Variants in SLC43A2 observed in about 807,000 individuals in gnomAD.
The protein encoded by SLC43A2 is solute carrier family 43 member 2.
A neutral mutation model predicts 63.2 loss-of-function variants in SLC43A2; 38 were observed. The ratio of observed to expected loss-of-function variants is 0.60; its 90% CI spans 0.46 to 0.79. The LOEUF (loss-of-function observed/expected upper bound fraction) is 0.79. Among genes scored for constraint, SLC43A2 ranks in the 30% least tolerant of loss-of-function variants. The probability of loss-of-function intolerance (pLI) is 0.00; values close to 1 mark genes in which losing one functional copy is unlikely to be tolerated. For missense variants in SLC43A2, 644 were observed against 756.2 expected (o/e 0.85, Z 1.74); for synonymous variants, 322 against 331.0 (o/e 0.97, Z 0.30).
chr17:1,615,828 G>C (rs1056477454), intron 3 of SLC43A2, among the ~76,000 whole-genome samples: 19 of 133,532 alleles, frequency 1.4e-4, no homozygotes, highest in Non-Finnish European at 2.6e-4. Flanking sequence ...GGGCGACAGA[G>C]GGAGACTCCA....
chr17:1,628,082 T>A, intron 1 of SLC43A2, 162 bp from the exon 2 acceptor site: 1 of 660,760 alleles, frequency 1.5e-6, no homozygotes, highest in Non-Finnish European at 2.1e-6. Context: ...TGCCCGGACC[T>A]GGGACACCCC....
intron 6 of SLC43A2, among the ~76,000 whole-genome samples, chr17:1,591,924 A>T (rs1904850130): frequency 6.6e-6 from 1 of 152,122 alleles, no homozygotes; most frequent in Admixed American, 6.5e-5. Flanking sequence ...GCGTGTGATT[A>T]GCCCCCCGAC....
chr17:1,622,897 G>C (rs1908302502), intron 2 of SLC43A2, among the ~76,000 whole-genome samples: 1 of 151,894 alleles, frequency 6.6e-6, no homozygotes, highest in Non-Finnish European at 1.5e-5. Context: ...CTGGGCGACA[G>C]AGTGAAACTC....
intron 5 of SLC43A2, among the ~76,000 whole-genome samples, chr17:1,609,102 T>C (rs974634102): frequency 2.6e-5 from 4 of 152,230 alleles, no homozygotes; most frequent in African/African-American, 9.6e-5. Context: ...CATGTCGTTT[T>C]TCATAGGATC....
intron 5 of SLC43A2, among the ~76,000 whole-genome samples, chr17:1,599,301 C>G (rs1219833869): frequency 6.6e-6 from 1 of 151,924 alleles, no homozygotes; most frequent in African/African-American, 2.4e-5. Flanking sequence ...GATCATGCCA[C>G]TGCACTCCAG....
In SLC43A2 at chr17:1,570,284, G is replaced by C. The variant is rs9890887; in HGVS notation, c.*5320C>G. 0.35 allele frequency: 53,361 copies of C among 151,626 alleles called. 10,001 individuals are homozygous for C. Among genetic ancestry groups the C allele is most frequent in the African/African-American group, 0.47 (19,242 of 41,248 alleles). The allele number at this position is 151,626 out of a possible 1,614,324, so 9.4% of individuals were successfully genotyped here. On this transcript the variant is annotated 3_prime_UTR_variant, in exon 14 of 14. Coordinates refer to ENST00000301335, the MANE Select transcript of SLC43A2 (RefSeq NM_152346.3). ...ACCTCAAGTGATCCACCCCGCCCCC[G>C]CTTCGGCCTCCCAAAGCACTGGGAT...
chr17:1,591,638 C>G lies in SLC43A2; in HGVS notation c.656G>C (p.Gly219Ala), dbSNP rs769260145. 38 of 1,549,034 alleles carry G rather than the reference C, an allele frequency of 2.5e-5. No homozygotes were observed. The Admixed American group carries it at 7.1e-4, about 29-fold the overall frequency. ...AAAGAAGCAGTTGAGGAAAACCAGC[C>G]CGGAGCAGCCGGCCCAGACCACGAG... ...VVLVVWAGCS[G>A]LVFLNCFFNW... The change falls in exon 7 of 14, where the codon GGG becomes GCG. Residue 219 changes from glycine (G) to alanine (A), a missense_variant. Physicochemically the swap from Gly to Ala is moderately conservative, Grantham distance 60 (BLOSUM62 0). Coordinates refer to ENST00000301335, the MANE Select transcript of SLC43A2 (RefSeq NM_152346.3).
chr17:1,606,617 C>A lies in SLC43A2; in HGVS notation c.501+6578G>T, dbSNP rs372735785. Reference sequence around the variant, plus strand: ...GTTGGAGGGTGGCGACCCCAAGATGCGGCCTCAGCCGCCGGCCGTGTTTGT... The same window carrying A: ...GTTGGAGGGTGGCGACCCCAAGATGAGGCCTCAGCCGCCGGCCGTGTTTGT... On this transcript the variant is annotated intron_variant, in intron 5 of 13. Transcript: ENST00000301335. This position sits in a 1 kb window ranked among gnomAD's most constrained non-coding sequence, Gnocchi z 4.7. 1.3e-5 allele frequency among the ~76,000 whole-genome samples: 2 copies of A among 152,186 alleles called. No individual in the cohort carries two copies. Among genetic ancestry groups the A allele is most frequent in the South Asian group, 4.1e-4 (2 of 4,834 alleles).
In SLC43A2 at chr17:1,613,729, G is replaced by T. The variant is rs185753153; in HGVS notation, c.425-458C>A. Among the ~76,000 whole-genome samples the T allele has an allele frequency of 3.3e-5, 5 of 152,290 alleles. No individual in the cohort carries two copies. The East Asian group carries it at 9.7e-4, about 29-fold the overall frequency. On this transcript the variant is annotated intron_variant, in intron 4 of 13. Transcript: ENST00000301335. ...TAAGATTACAGGCATAAGCCACCAT[G>T]CCCAGCCTCCTCTTGCCTATTTCAC...
chr17:1,585,580 G>A, intron 10 of SLC43A2: 2 of 953,660 alleles, frequency 2.1e-6, no homozygotes, highest in Non-Finnish European at 2.8e-6. Context: ...GGGGAGTGGG[G>A]GCTGGCCATG....
upstream of SLC43A2, among the ~76,000 whole-genome samples, chr17:1,629,872 T>C (rs143095061): frequency 7.9e-5 from 12 of 152,316 alleles, no homozygotes; most frequent in South Asian, 8.3e-4. Context: ...TTCGAGGCAC[T>C]AACCCGACCC....
intron 10 of SLC43A2, chr17:1,585,569 C>T (rs1388465321): frequency 9.5e-6 from 8 of 841,302 alleles, no homozygotes; most frequent in East Asian, 6.0e-5. Context: ...TTTGTAGAGA[C>T]GGGGAGTGGG....
chr17:1,575,865 G>C, intron 13 of SLC43A2, 100 bp from the exon 14 acceptor site: 1 of 1,358,630 alleles, frequency 7.4e-7, no homozygotes. Flanking sequence ...AAGGTCACGG[G>C]GTGGAAGGGG....
At chr17:1,594,745 A>G (rs371075924) in intron 5 of SLC43A2, among the ~76,000 whole-genome samples, 1,587 of 150,242 alleles carry the variant, frequency 0.011, 14 homozygotes, top group Admixed American at 0.012. Flanking sequence ...CCGCCACCAC[A>G]CCCGGCTAAT....
rs2075864915 is a variant in SLC43A2, at chr17:1,572,758, C to T, written c.*2846G>A. 6.5e-6 allele frequency: 1 copy of T among 152,810 alleles called. No individual in the cohort carries two copies. Among genetic ancestry groups the T allele is most frequent in the African/African-American group, 2.4e-5 (1 of 41,482 alleles). 9.5% of individuals were successfully genotyped at this position (152,810 alleles called of 1,614,324 possible). ...CCCCCTCAATTCTGTTTCTCAATGCCTGCTTCTTCCCAGTAAGTGCCACAC... is the reference window on the plus strand; with the variant it reads ...CCCCCTCAATTCTGTTTCTCAATGCTTGCTTCTTCCCAGTAAGTGCCACAC... On this transcript the variant is annotated 3_prime_UTR_variant, in exon 14 of 14. Coordinates refer to ENST00000301335, the MANE Select transcript of SLC43A2 (RefSeq NM_152346.3).
At chr17:1,586,257 T>A (rs1395056160) in intron 9 of SLC43A2, among the ~76,000 whole-genome samples, 6 of 152,044 alleles carry the variant, frequency 3.9e-5, no homozygotes, top group African/African-American at 7.2e-5. Context: ...TTCTTCTCGG[T>A]TCCAAATCCC....
Position 1,578,977 on chromosome 17 carries a change from T to C in SLC43A2, c.1351-654A>G, listed in dbSNP as rs2075973244. The stretch of plus-strand genomic sequence containing the variant: ...CAACATGGCGAAACCCTGTCTTTAC[T>C]AAAAATACAAAAAATTAGCTGGGCG... On this transcript the variant is annotated intron_variant, in intron 11 of 13. Coordinates refer to ENST00000301335, the MANE Select transcript of SLC43A2 (RefSeq NM_152346.3). The surrounding 1 kb of genome is among the most constrained non-coding windows in gnomAD (Gnocchi z 6.5). 6.6e-6 allele frequency among the ~76,000 whole-genome samples: 1 copy of C among 151,786 alleles called. No homozygotes were observed. Among genetic ancestry groups the C allele is most frequent in the African/African-American group, 2.4e-5 (1 of 41,334 alleles).
chr17:1,629,541 G>A (rs1396279605), upstream of SLC43A2, among the ~76,000 whole-genome samples: 1 of 152,234 alleles, frequency 6.6e-6, no homozygotes, highest in East Asian at 1.9e-4. Context: ...ATCTGCAAGG[G>A]GATTTGGGGC....
chr17:1,591,734 A>AGGGGGGGGGG (rs780559673), intron 6 of SLC43A2, 35 bp from the exon 7 acceptor site: 21 of 295,324 alleles, frequency 7.1e-5, no homozygotes, highest in Non-Finnish European at 1.1e-4. Flanking sequence ...TGGGGGGGGG[A>AGGGGGGGGGG]GGGGGCAGAG....
Sources: gnomAD v4.1 joint callset for allele counts (sites outside exome capture counted in the v4.1 genomes callset) on GRCh38, gnomAD v4.1.1 for gene constraint, Gnocchi (gnomAD v3.1) non-coding constraint, MANE v1.5 for transcripts, NCBI Gene and HGNC (gene_info 2026-07-23, HGNC 2026-07-21) for gene names.